The following SIAH3 variants were observed in gnomAD, a reference collection of about 807,000 sequenced individuals.
The protein encoded by SIAH3 is seven in absentia homolog 3.
In SIAH3, 9 loss-of-function variants were observed where a neutral mutation model predicts 12.6. The ratio of observed to expected loss-of-function variants is 0.72; its 90% confidence interval spans 0.43 to 1.25. The LOEUF (loss-of-function observed/expected upper bound fraction) is 1.25. Ranked by LOEUF, SIAH3 falls within the 50% of genes most tolerant of loss-of-function variation. SIAH3 has a pLI of 0.00. For missense variants in SIAH3, 390 were observed against 365.4 expected, an observed-to-expected ratio of 1.07 and a Z score of -0.55; for synonymous variants, 154 against 151.1, an observed-to-expected ratio of 1.02 and a Z score of -0.14.
At chr13:45,784,417 T>G (rs868672475) in intron 1 of SIAH3, among the ~76,000 whole-genome samples, 20 of 150,444 alleles carry the variant, frequency 1.3e-4, no homozygotes, top group East Asian at 5.8e-4. Context: ...TTTTTTTTTT[T>G]TTTTGCTTTT....
intron 1 of SIAH3, among the ~76,000 whole-genome samples, chr13:45,822,887 C>T (rs1950661313): frequency 6.6e-6 from 1 of 151,968 alleles, no homozygotes; most frequent in African/African-American, 2.4e-5. Flanking sequence ...CTCTGTGAGG[C>T]TGTTTTTATT....
At chr13:45,797,973 A>C (rs1006937466) in intron 1 of SIAH3, among the ~76,000 whole-genome samples, 1 of 152,202 alleles carries the variant, frequency 6.6e-6, no homozygotes, top group African/African-American at 2.4e-5. Flanking sequence ...TTGATTTGTT[A>C]GTCATGCAGT....
At chr13:45,836,758 G>A (rs1392842440) in intron 1 of SIAH3, among the ~76,000 whole-genome samples, 2 of 152,110 alleles carry the variant, frequency 1.3e-5, no homozygotes, top group African/African-American at 2.4e-5. Context: ...CATCCTGCAC[G>A]TGTACCCCAA....
At chr13:45,839,780 T>C (rs1964406) in intron 1 of SIAH3, among the ~76,000 whole-genome samples, 101,909 of 151,842 alleles carry the variant, frequency 0.67, 35,694 homozygotes, top group East Asian at 0.94. Context: ...TGCAGTGAGC[T>C]GAGATCGCAC....
intron 1 of SIAH3, among the ~76,000 whole-genome samples, chr13:45,793,481 T>C (rs151058154): frequency 2.3e-4 from 35 of 152,294 alleles, no homozygotes; most frequent in African/African-American, 7.2e-4. Context: ...CCTTATAACA[T>C]GCAACAAACT....
intron 1 of SIAH3, among the ~76,000 whole-genome samples, chr13:45,787,236 A>C (rs7335431): frequency 0.79 from 120,680 of 152,020 alleles, 48,897 homozygotes; most frequent in Non-Finnish European, 0.87. Flanking sequence ...CTATGTGATG[A>C]TGCTGATTTG....
At chr13:45,828,664 T>C (rs1593385702) in intron 1 of SIAH3, among the ~76,000 whole-genome samples, 1 of 152,326 alleles carries the variant, frequency 6.6e-6, no homozygotes, top group East Asian at 1.9e-4. Flanking sequence ...AGGAATCAAA[T>C]GCACCCAGGA....
At chr13:45,814,817 G>A (rs552548776) in intron 1 of SIAH3, among the ~76,000 whole-genome samples, 5 of 151,780 alleles carry the variant, frequency 3.3e-5, no homozygotes, top group African/African-American at 1.2e-4. Flanking sequence ...CTGCCTTCCG[G>A]GCTCAAGCGA....
chr13:45,836,350 A>G (rs1480843378), intron 1 of SIAH3, among the ~76,000 whole-genome samples: 2 of 152,346 alleles, frequency 1.3e-5, no homozygotes, highest in East Asian at 3.9e-4. Flanking sequence ...ACTGTAGTGC[A>G]TATACGCCAT....
At chr13:45,801,095 CG>C (rs56007987) in intron 1 of SIAH3, among the ~76,000 whole-genome samples, 3 of 114,124 alleles carry the variant, frequency 2.6e-5, no homozygotes, top group African/African-American at 9.8e-5. Flanking sequence ...TGATGGGTGG[CG>C]GGGGGGGGCA....
At chr13:45,826,548 T>G (rs535409101) in intron 1 of SIAH3, among the ~76,000 whole-genome samples, 2 of 152,210 alleles carry the variant, frequency 1.3e-5, no homozygotes, top group South Asian at 4.2e-4. Context: ...CAAGTGCTCC[T>G]TGACTCTCCG....
rs1198749783 is a variant in SIAH3 at position 45,777,847 on chromosome 13, C to T, written c.*5536G>A. The stretch of plus-strand genomic sequence containing the variant: ...CTTCAGCAACCCTCACTTCTTCCAT[C>T]CCTTCCACTGAAACCACTGGGATCA... On this transcript the variant is annotated 3_prime_UTR_variant, in exon 2 of 2. Coordinates refer to ENST00000400405, the MANE Select transcript of SIAH3 (RefSeq NM_198849.3). 6.6e-6 allele frequency: 1 copy of T among 152,266 alleles called. No homozygotes were observed. Among genetic ancestry groups the T allele is most frequent in the Non-Finnish European group, 1.5e-5 (1 of 68,064 alleles). 9.4% of individuals were successfully genotyped at this position (152,266 alleles called of 1,614,324 possible).
rs1301934055 is a variant in SIAH3 at position 45,781,274 on chromosome 13, A to G, written c.*2109T>C. 6.6e-6 allele frequency: 1 copy of G among 152,498 alleles called. No individual in the cohort carries two copies. Among genetic ancestry groups the G allele is most frequent in the Non-Finnish European group, 1.5e-5 (1 of 68,028 alleles). The allele number at this position is 152,498 out of a possible 1,614,324, so 9.4% of individuals were successfully genotyped here. A position where few individuals can be genotyped will look rare whatever the true frequency, so the allele number is the denominator to read the frequency against. ...TGTTTGTTGATCTGGAGCACCTGTG[A>G]TGCTACACAAATGCTTTCAAAGTGG... On this transcript the variant is annotated 3_prime_UTR_variant, in exon 2 of 2. Coordinates refer to ENST00000400405, the MANE Select transcript of SIAH3 (RefSeq NM_198849.3).
At chr13:45,819,035 G>A (rs1950645256) in intron 1 of SIAH3, among the ~76,000 whole-genome samples, 1 of 152,120 alleles carries the variant, frequency 6.6e-6, no homozygotes, top group South Asian at 2.1e-4. Context: ...CCTTTACAGG[G>A]TGCTGGCTAA....
chr13:45,780,191 A>G lies in SIAH3; in HGVS notation c.*3192T>C. On this transcript the variant is annotated 3_prime_UTR_variant, in exon 2 of 2. Transcript: ENST00000400405. ...AACCTGGGTGTGGGCAAAGGGATTC[A>G]GAAAGGGCCTGGCGCACTGAAGCCT... 1 of 152,286 alleles carries G rather than the reference A, an allele frequency of 6.6e-6. No homozygotes were observed. Among genetic ancestry groups the G allele is most frequent in the Non-Finnish European group, 1.5e-5 (1 of 68,080 alleles). The allele number at this position is 152,286 out of a possible 1,614,324, so 9.4% of individuals were successfully genotyped here. A position where few individuals can be genotyped will look rare whatever the true frequency, so the allele number is the denominator to read the frequency against.
At chr13:45,826,890 C>A (rs1456367332) in intron 1 of SIAH3, among the ~76,000 whole-genome samples, 1 of 152,166 alleles carries the variant, frequency 6.6e-6, no homozygotes, top group Non-Finnish European at 1.5e-5. Flanking sequence ...CAGACCAACC[C>A]TGACCTGGTG....
At chr13:45,849,616 A>G (rs1054323613) in intron 1 of SIAH3, among the ~76,000 whole-genome samples, 2 of 152,140 alleles carry the variant, frequency 1.3e-5, no homozygotes, top group Admixed American at 6.6e-5. Context: ...CTGGCCAGAG[A>G]TGACTCAAGG....
At chr13:45,830,636 G>A (rs1444690182) in intron 1 of SIAH3, among the ~76,000 whole-genome samples, 4 of 152,190 alleles carry the variant, frequency 2.6e-5, no homozygotes, top group African/African-American at 9.7e-5. Flanking sequence ...CTTCACTGGT[G>A]CTTACCTTCT....
intron 1 of SIAH3, among the ~76,000 whole-genome samples, chr13:45,807,881 A>G (rs1198736101): frequency 6.6e-6 from 1 of 152,258 alleles, no homozygotes; most frequent in Non-Finnish European, 1.5e-5. Flanking sequence ...CATTGTTAAA[A>G]TTAAACAAAC....
Sources: gnomAD v4.1 joint callset for allele counts (sites outside exome capture counted in the v4.1 genomes callset) on GRCh38, gnomAD v4.1.1 for gene constraint, MANE v1.5 for transcripts, NCBI Gene and HGNC (gene_info 2026-07-23, HGNC 2026-07-21) for gene names.